ITGAE: variants seen among roughly 807,000 people sequenced by gnomAD.
ITGAE encodes the protein integrin alpha-E.
Under a neutral mutation model 136.5 loss-of-function variants are expected in ITGAE, and 99 were observed. The observed-to-expected ratio is 0.73, with a 90% CI of 0.62 to 0.86. The LOEUF is 0.86. Ranked by LOEUF, ITGAE falls within the 40% of genes least tolerant of loss-of-function variation. The pLI is 0.00. For missense variants in ITGAE, 1,447 were observed against 1,515.3 expected, an observed-to-expected ratio of 0.95 and a Z score of 0.75; for synonymous variants, 613 against 591.8, an observed-to-expected ratio of 1.04 and a Z score of -0.52.
At chr17:3,796,829 T>A (rs2143537310) in intron 1 of ITGAE, among the ~76,000 whole-genome samples, 1 of 152,220 alleles carries the variant, frequency 6.6e-6, no homozygotes, top group South Asian at 2.1e-4. Flanking sequence ...GTACCACGAT[T>A]CCCAATTTAG....
intron 1 of ITGAE, among the ~76,000 whole-genome samples, chr17:3,794,408 C>T (rs1267942274): frequency 1.3e-5 from 2 of 152,184 alleles, no homozygotes; most frequent in Non-Finnish European, 2.9e-5. Context: ...GAGTGAGCCA[C>T]TGTGCTTGGC....
In ITGAE at chr17:3,757,701, CTT is replaced by C; in HGVS notation, c.1020+3_1020+4del. 1 of 1,613,810 alleles carries C rather than the reference CTT, an allele frequency of 6.2e-7. No individual in the cohort carries two copies. The highest frequency in any genetic ancestry group is 8.5e-7 in the Non-Finnish European group (1 of 1,179,780). On this transcript the variant is annotated splice_donor_region_variant and intron_variant, in intron 9 of 30. Transcript: ENST00000263087. ...AGGAGGTGTCTCCCGGCTCCTGGCT[CTT>C]ACCCCAATGGCAAAGCGCTCAACAC...
At chr17:3,744,786 TAGAG>T (rs2051674036) in intron 18 of ITGAE, among the ~76,000 whole-genome samples, 1 of 152,044 alleles carries the variant, frequency 6.6e-6, no homozygotes, top group East Asian at 1.9e-4. Flanking sequence ...GAGGACATAT[TAGAG>T]AGGTAAGAGA....
chr17:3,747,437 C>A (rs974982648), intron 17 of ITGAE, among the ~76,000 whole-genome samples: 1 of 152,130 alleles, frequency 6.6e-6, no homozygotes, highest in African/African-American at 2.4e-5. Context: ...CCTGCCTCAG[C>A]CTCCCGAGTA....
Position 3,723,747 on chromosome 17 carries a change from G to C in ITGAE, c.3085-3C>G, listed in dbSNP as rs778507779. Reference sequence around the variant, plus strand: ...CTCCAGGTGCACACCGTGGAGGCCTGAAACGAGAGCCATGACCGCGACGCG... The same window carrying C: ...CTCCAGGTGCACACCGTGGAGGCCTCAAACGAGAGCCATGACCGCGACGCG... On this transcript the variant is annotated splice_region_variant and splice_polypyrimidine_tract_variant and intron_variant, in intron 26 of 30. Transcript: ENST00000263087. 5 of 1,607,128 alleles carry C rather than the reference G, an allele frequency of 3.1e-6. No individual in the cohort carries two copies. The highest frequency in any genetic ancestry group is 8.5e-7 in the Non-Finnish European group (1 of 1,177,156).
At chr17:3,796,081 C>CTG (rs1491385625) in intron 1 of ITGAE, among the ~76,000 whole-genome samples, 3 of 101,596 alleles carry the variant, frequency 3.0e-5, no homozygotes, top group Non-Finnish European at 4.0e-5. Flanking sequence ...TTGTGCATCC[C>CTG]TGTGTATGCA....
intron 17 of ITGAE, among the ~76,000 whole-genome samples, chr17:3,746,406 G>A (rs1324236723): frequency 1.3e-5 from 2 of 151,852 alleles, no homozygotes; most frequent in Admixed American, 6.6e-5. Flanking sequence ...AGCCCATCGA[G>A]CTCTGTGTCC....
chr17:3,786,744 G>A (rs951429301), intron 1 of ITGAE, among the ~76,000 whole-genome samples: 2 of 151,976 alleles, frequency 1.3e-5, no homozygotes, highest in Non-Finnish European at 2.9e-5. Flanking sequence ...GCAAAAATTA[G>A]CTGGGCGTGG....
chr17:3,726,109 T>G (rs1227608464), intron 26 of ITGAE: 3 of 1,614,210 alleles, frequency 1.9e-6, no homozygotes, highest in African/African-American at 1.3e-5. Flanking sequence ...TACAGGCTCA[T>G]GAAGAAGGAG....
In ITGAE at chr17:3,798,217, TA is replaced by T. The variant is rs2053168558; in HGVS notation, c.34+2893del. ...CCCTCTGCCTGGAGTGCCCCTTCCC[TA>T]CCCCCGTGCTGTGACACCCTGCCGG... On this transcript the variant is annotated intron_variant, in intron 1 of 30. Coordinates refer to ENST00000263087, the MANE Select transcript of ITGAE (RefSeq NM_002208.5). This position sits in a 1 kb window ranked among gnomAD's most constrained non-coding sequence, Gnocchi z 4.3. Among the ~76,000 whole-genome samples, 1 of 152,138 alleles carries T rather than the reference TA, an allele frequency of 6.6e-6. No homozygotes were observed. The highest frequency in any genetic ancestry group is 1.5e-5 in the Non-Finnish European group (1 of 67,992).
chr17:3,777,760 G>A, intron 1 of ITGAE, 100 bp from the exon 2 acceptor site: 2 of 1,358,552 alleles, frequency 1.5e-6, no homozygotes, highest in Non-Finnish European at 2.0e-6. Flanking sequence ...GCTGAGAAAA[G>A]TGAGACTGCC....
intron 21 of ITGAE, among the ~76,000 whole-genome samples, chr17:3,732,865 C>T: frequency 6.6e-6 from 1 of 152,188 alleles, no homozygotes; most frequent in East Asian, 1.9e-4. Context: ...CACGTAGCCA[C>T]CAGGGCTCCC....
At chr17:3,768,801 C>T (rs950608515) in intron 2 of ITGAE, among the ~76,000 whole-genome samples, 10 of 152,122 alleles carry the variant, frequency 6.6e-5, no homozygotes, top group East Asian at 1.9e-4. Flanking sequence ...AGTAGGCTCC[C>T]GAAGGATCTT....
chr17:3,764,326 C>G (rs1378951757), intron 2 of ITGAE, among the ~76,000 whole-genome samples: 5 of 152,206 alleles, frequency 3.3e-5, no homozygotes, highest in Admixed American at 2.6e-4. Flanking sequence ...CGTGGGCCAC[C>G]CAGGGGGCCT....
At chr17:3,747,796 CA>C (rs1162127167) in intron 17 of ITGAE, 125 bp downstream of exon 17, 2 of 688,136 alleles carry the variant, frequency 2.9e-6, no homozygotes, top group African/African-American at 3.6e-5. Context: ...CGAGGGATTT[CA>C]AGCACCAGGA....
Position 3,761,074 on chromosome 17 carries a change from A to T in ITGAE, c.537T>A (p.Ala179=). Residue 179 remains alanine, a synonymous_variant, in exon 6 of 31, where the codon GCT becomes GCA. Coordinates refer to ENST00000263087, the MANE Select transcript of ITGAE (RefSeq NM_002208.5). The part of the protein sequence containing the change: ...DDVNTARQRR[A]LEKEEEEDKE... The stretch of plus-strand genomic sequence containing the variant: ...TGTCTTCCTCCTCCTCCTTCTCCAG[A>T]GCCCGGCGCTGCCTGGCTGTGTTCA... 6.2e-7 allele frequency: 1 copy of T among 1,610,322 alleles called. No homozygotes were observed. Among genetic ancestry groups the T allele is most frequent in the Non-Finnish European group, 8.5e-7 (1 of 1,179,814 alleles).
In ITGAE at chr17:3,796,316, G is replaced by T. The variant is rs185429382; in HGVS notation, c.34+4795C>A. Among the ~76,000 whole-genome samples, 16 of 152,158 alleles carry T rather than the reference G, an allele frequency of 1.1e-4. No individual in the cohort carries two copies. The East Asian group carries it at 2.9e-3, about 28-fold the overall frequency. ...GCCCCAGGCCCAACAGTTTGCCTTT[G>T]AGCTGCGCCTCCATCAGGAAACCAC... is the stretch of plus-strand genomic sequence containing the variant. On this transcript the variant is annotated intron_variant, in intron 1 of 30. Coordinates refer to ENST00000263087, the MANE Select transcript of ITGAE (RefSeq NM_002208.5).
intron 1 of ITGAE, among the ~76,000 whole-genome samples, chr17:3,780,971 T>G (rs1231256105): frequency 6.6e-6 from 1 of 152,230 alleles, no homozygotes; most frequent in Non-Finnish European, 1.5e-5. Flanking sequence ...CCCCAAGTGC[T>G]GGGATTATAG....
intron 16 of ITGAE, among the ~76,000 whole-genome samples, chr17:3,749,541 T>C (rs1206083950): frequency 1.3e-5 from 2 of 151,968 alleles, no homozygotes; most frequent in South Asian, 2.1e-4. Context: ...TGTGAGCCAC[T>C]GCGCCCAGCA....
Sources: gnomAD v4.1 joint callset for allele counts (sites outside exome capture counted in the v4.1 genomes callset) on GRCh38, gnomAD v4.1.1 for gene constraint, Gnocchi (gnomAD v3.1) non-coding constraint, MANE v1.5 for transcripts, NCBI Gene and HGNC (gene_info 2026-07-23, HGNC 2026-07-21) for gene names.